NEGR1: variants seen among roughly 807,000 people sequenced by gnomAD.
NEGR1 encodes the protein IgLON family member 4.
Under a neutral mutation model 40.9 loss-of-function variants are expected in NEGR1, and 10 were observed. That is an observed-to-expected ratio of 0.24 (90% CI 0.15 to 0.42). The LOEUF (loss-of-function observed/expected upper bound fraction) is 0.42, where lower values mean the gene tolerates loss of function less well. NEGR1 is among the 10% of genes least tolerant of loss of function. NEGR1 has a pLI of 1.00. For synonymous variants in NEGR1, 185 were observed against 166.8 expected (o/e 1.11, Z -0.84); for missense variants, 352 against 438.9 (o/e 0.80, Z 1.77).
chr1:72,154,151 T>G (rs1651268931), intron 1 of NEGR1, among the ~76,000 whole-genome samples: 1 of 151,796 alleles, frequency 6.6e-6, no homozygotes, highest in Non-Finnish European at 1.5e-5. Context: ...TGTTTACTTT[T>G]GGCAAGAGAT....
chr1:71,660,115 C>A (rs1241652045), intron 4 of NEGR1, among the ~76,000 whole-genome samples: 2 of 151,994 alleles, frequency 1.3e-5, no homozygotes, highest in African/African-American at 2.4e-5. Context: ...GAAAATGTGG[C>A]ACATAATATC....
chr1:71,988,545 C>CAAAAAA lies in NEGR1; in HGVS notation c.177-53240_177-53235dup, dbSNP rs1197884975. 1.3e-3 allele frequency among the ~76,000 whole-genome samples: 51 copies of CAAAAAA among 39,722 alleles called. 1 individual carries two copies. The highest frequency in any genetic ancestry group is 1.5e-3 in the Non-Finnish European group (32 of 20,894). 26.1% of individuals were successfully genotyped at this position (39,722 alleles called of 152,430 possible). A position where few individuals can be genotyped will look rare whatever the true frequency, so the allele number is the denominator to read the frequency against. ...TGGGCGACAGAGCGAGACTCCGTCT[C>CAAAAAA]AAAAAAAAAAAAAAAAAAAAAAAAG... On this transcript the variant is annotated intron_variant, in intron 1 of 6. Transcript: ENST00000357731.
chr1:71,907,560 A>G (rs1488066642), intron 2 of NEGR1, among the ~76,000 whole-genome samples: 2 of 152,156 alleles, frequency 1.3e-5, no homozygotes, highest in Non-Finnish European at 2.9e-5. Context: ...ATTGTTGGTG[A>G]AAATGTAAAT....
chr1:71,958,951 C>CA (rs10598895), intron 1 of NEGR1, among the ~76,000 whole-genome samples: 186 of 119,400 alleles, frequency 1.6e-3, no homozygotes, highest in Admixed American at 3.4e-3. Context: ...CATCTCATCT[C>CA]AAAAAAAAAA....
chr1:72,131,084 C>T (rs946050472), intron 1 of NEGR1, among the ~76,000 whole-genome samples: 10 of 152,140 alleles, frequency 6.6e-5, no homozygotes, highest in African/African-American at 2.2e-4. Context: ...AATACTTTTA[C>T]ATTTTAAGTT....
At chr1:71,652,871 A>T (rs910810642) in intron 4 of NEGR1, among the ~76,000 whole-genome samples, 2 of 152,062 alleles carry the variant, frequency 1.3e-5, no homozygotes, top group African/African-American at 4.8e-5. Context: ...CTCAGAAAAA[A>T]AAAAAAGTTT....
intron 1 of NEGR1, among the ~76,000 whole-genome samples, chr1:71,962,606 T>G (rs1170260590): frequency 6.6e-6 from 1 of 152,012 alleles, no homozygotes; most frequent in Non-Finnish European, 1.5e-5. Flanking sequence ...CTTTAGAAAT[T>G]AAGACACACC....
At chr1:71,625,293 G>GACAC (rs145210964) in intron 4 of NEGR1, among the ~76,000 whole-genome samples, 17 of 147,838 alleles carry the variant, frequency 1.1e-4, no homozygotes, top group South Asian at 8.5e-4. Context: ...AATACACACA[G>GACAC]ACACACACAC....
At chr1:71,617,212 A>G (rs1650473606) in intron 4 of NEGR1, among the ~76,000 whole-genome samples, 1 of 152,200 alleles carries the variant, frequency 6.6e-6, no homozygotes, top group African/African-American at 2.4e-5. Flanking sequence ...GATCCTGCCT[A>G]CCACTAAGGA....
At chr1:72,166,170 A>G (rs933652232) in intron 1 of NEGR1, among the ~76,000 whole-genome samples, 1 of 152,028 alleles carries the variant, frequency 6.6e-6, no homozygotes, top group Non-Finnish European at 1.5e-5. Context: ...CTTTGAGCGC[A>G]CAACTTTAAT....
intron 6 of NEGR1, among the ~76,000 whole-genome samples, chr1:71,585,328 C>T (rs887262974): frequency 2.6e-5 from 4 of 152,036 alleles, no homozygotes; most frequent in Middle Eastern, 3.4e-3. Flanking sequence ...AGTCTAGTCC[C>T]CTCATATTAT....
chr1:71,404,592 T>TA lies in NEGR1; in HGVS notation c.*2853_*2854insT, dbSNP rs1377699274. ...TCCTTCATTCCTTCCATCCTTCCTT[T>TA]TTTTCCCTCTTTACTGCCTTTCCTT... On this transcript the variant is annotated 3_prime_UTR_variant, in exon 7 of 7. Transcript: ENST00000357731. The TA allele has an allele frequency of 6.7e-6, 1 of 150,360 alleles. No homozygotes were observed. The highest frequency in any genetic ancestry group is 2.4e-5 in the African/African-American group (1 of 40,986). 9.3% of individuals were successfully genotyped at this position (150,360 alleles called of 1,614,324 possible). A position where few individuals can be genotyped will look rare whatever the true frequency, so the allele number is the denominator to read the frequency against.
intron 2 of NEGR1, among the ~76,000 whole-genome samples, chr1:71,781,501 C>T (rs1323693043): frequency 6.6e-6 from 1 of 152,066 alleles, no homozygotes; most frequent in Admixed American, 6.6e-5. Flanking sequence ...TGTAAGAGTC[C>T]GTGAAAGACC....
At chr1:71,794,989 C>G (rs1478189316) in intron 2 of NEGR1, among the ~76,000 whole-genome samples, 1 of 151,926 alleles carries the variant, frequency 6.6e-6, no homozygotes, top group Non-Finnish European at 1.5e-5. Flanking sequence ...AATTACTTGA[C>G]AAGAAGTGCA....
At chr1:72,012,345 G>A (rs1328052059) in intron 1 of NEGR1, among the ~76,000 whole-genome samples, 14 of 152,044 alleles carry the variant, frequency 9.2e-5, no homozygotes, top group African/African-American at 3.4e-4. Flanking sequence ...ATAGCTGGGT[G>A]AGGCAGGGTT....
intron 2 of NEGR1, 66 bp downstream of exon 2, chr1:71,935,013 G>T: frequency 1.1e-6 from 1 of 902,086 alleles, no homozygotes; most frequent in Non-Finnish European, 1.8e-6. Context: ...TAGTCATTTT[G>T]ATACCTAAAT....
intron 6 of NEGR1, among the ~76,000 whole-genome samples, chr1:71,499,550 G>A (rs890124979): frequency 1.0e-4 from 15 of 148,688 alleles, no homozygotes; most frequent in Non-Finnish European, 7.4e-5. Flanking sequence ...CCATATGCTG[G>A]GAATTATTAT....
rs922827526 is a variant in NEGR1 at position 71,399,892 on chromosome 1, G to A, written c.*7554C>T. 4 of 152,086 alleles carry A rather than the reference G, an allele frequency of 2.6e-5. No individual in the cohort carries two copies. The highest frequency in any genetic ancestry group is 3.2e-3 in the Middle Eastern group (1 of 316). The allele number at this position is 152,086 out of a possible 1,614,324, so 9.4% of individuals were successfully genotyped here. The stretch of plus-strand genomic sequence containing the variant: ...TTTTTAGAACAATCAAGAGAATTTT[G>A]TTCCTTAGCTTTAGCATATTATAGT... On this transcript the variant is annotated 3_prime_UTR_variant, in exon 7 of 7. Transcript: ENST00000357731.
intron 1 of NEGR1, among the ~76,000 whole-genome samples, chr1:72,142,524 A>ATGAT (rs1650720555): frequency 8.7e-6 from 1 of 114,658 alleles, no homozygotes; most frequent in African/African-American, 3.4e-5. Context: ...ACCTAGATAG[A>ATGAT]TGATAGATAG....
Sources: gnomAD v4.1 joint callset for allele counts (sites outside exome capture counted in the v4.1 genomes callset) on GRCh38, gnomAD v4.1.1 for gene constraint, MANE v1.5 for transcripts, NCBI Gene and HGNC (gene_info 2026-07-23, HGNC 2026-07-21) for gene names.